BCL9: variants seen among roughly 807,000 people sequenced by gnomAD.
BCL9 encodes the protein BCL9 transcription coactivator, also known as B-cell CLL/lymphoma 9 protein.
BCL9 carries 25 observed loss-of-function variants against 88.5 expected under a neutral mutation model. The observed-to-expected ratio is 0.28, with a 90% CI of 0.21 to 0.39. The LOEUF (loss-of-function observed/expected upper bound fraction) is 0.39, where lower values mean the gene tolerates loss of function less well. Among genes scored for constraint, BCL9 ranks in the 10% least tolerant of loss-of-function variants. The pLI is 1.00. For missense variants in BCL9, 1,817 were observed against 1,877.8 expected, an observed-to-expected ratio of 0.97 and a Z score of 0.60; for synonymous variants, 711 against 673.3, an observed-to-expected ratio of 1.06 and a Z score of -0.87.
At chr1:147,606,689 A>T (rs1339942737) in intron 2 of BCL9, 95 bp from the exon 3 acceptor site, 2 of 152,252 alleles carry the variant, frequency 1.3e-5, no homozygotes, top group Non-Finnish European at 2.9e-5. Flanking sequence ...TGGAATAAAT[A>T]AGAAACCTGT....
intron 1 of BCL9, among the ~76,000 whole-genome samples, chr1:147,589,258 G>A (rs1283334928): frequency 6.6e-6 from 1 of 152,044 alleles, no homozygotes; most frequent in African/African-American, 2.4e-5. Flanking sequence ...CTCCGTTTTG[G>A]TGTTCAGTCA....
At chr1:147,553,228 G>C (rs1654971326) in intron 1 of BCL9, among the ~76,000 whole-genome samples, 1 of 152,076 alleles carries the variant, frequency 6.6e-6, no homozygotes, top group Admixed American at 6.6e-5. Flanking sequence ...ATACTGACTG[G>C]TCTTTACACT....
intron 1 of BCL9, among the ~76,000 whole-genome samples, chr1:147,592,929 G>T (rs1656908095): frequency 6.6e-6 from 1 of 152,210 alleles, no homozygotes; most frequent in African/African-American, 2.4e-5. Flanking sequence ...AGGTTATATA[G>T]CCTGCTCATG....
intron 1 of BCL9, among the ~76,000 whole-genome samples, chr1:147,591,033 C>T (rs782245325): frequency 2.3e-4 from 35 of 152,254 alleles, no homozygotes; most frequent in Non-Finnish European, 4.0e-4. Context: ...AGCAAGAATA[C>T]AGGCTTTGCC....
Position 147,619,761 on chromosome 1 carries a change from G to A in BCL9, c.1606G>A (p.Asp536Asn). 1 of 1,614,072 alleles carries A rather than the reference G, an allele frequency of 6.2e-7. No homozygotes were observed. Among genetic ancestry groups the A allele is most frequent in the Non-Finnish European group, 8.5e-7 (1 of 1,180,022 alleles). Reference protein sequence around the residue: ...WAPGGTEPFSDGINMPHSLPP... With the variant: ...WAPGGTEPFSNGINMPHSLPP... ...ACCTGGGGGTACAGAGCCATTTTCT[G>A]ATGGTATCAACATGCCACATTCTCT... Residue 536 changes from aspartate (D) to asparagine (N), a missense_variant, in exon 8 of 10, where the codon GAT (aspartate) becomes AAT (asparagine). Asp to Asn is a conservative substitution (Grantham distance 23). Around this residue, in one of 2 missense-constraint regions of BCL9, gnomAD observed 1,228 missense variants for 1,191.6 expected, o/e 1.03. Transcript: ENST00000234739. This position sits in a 1 kb window ranked among gnomAD's most constrained non-coding sequence, Gnocchi z 4.1.
At chr1:147,599,751 T>C (rs1163555151) in intron 1 of BCL9, among the ~76,000 whole-genome samples, 1 of 138,018 alleles carries the variant, frequency 7.2e-6, no homozygotes, top group Admixed American at 7.1e-5. Flanking sequence ...GTGCCGGCGG[T>C]GGGCGGGCCC....
At chr1:147,562,953 C>T (rs1024733907) in intron 1 of BCL9, among the ~76,000 whole-genome samples, 10 of 152,130 alleles carry the variant, frequency 6.6e-5, no homozygotes, top group African/African-American at 2.4e-4. Context: ...TCTTAAAACG[C>T]TCTCCTTTGG....
At chr1:147,592,596 A>G (rs1656889886) in intron 1 of BCL9, among the ~76,000 whole-genome samples, 1 of 152,246 alleles carries the variant, frequency 6.6e-6, no homozygotes, top group Admixed American at 6.5e-5. Context: ...CTAATGGCAG[A>G]ATTTAAAAGA....
At chr1:147,605,698 TC>T (rs1657663519) in intron 2 of BCL9, among the ~76,000 whole-genome samples, 1 of 152,224 alleles carries the variant, frequency 6.6e-6, no homozygotes, top group Non-Finnish European at 1.5e-5. Context: ...GATTGGTTTT[TC>T]CTATTGTGTA....
intron 9 of BCL9, 75 bp downstream of exon 9, chr1:147,622,606 G>A (rs1658702946): frequency 5.8e-6 from 9 of 1,557,110 alleles, no homozygotes; most frequent in Non-Finnish European, 7.9e-6. Context: ...TTTCTCAATG[G>A]CTATACACCT....
intron 1 of BCL9, among the ~76,000 whole-genome samples, chr1:147,554,085 A>G (rs1553195125): frequency 6.6e-6 from 1 of 152,244 alleles, no homozygotes; most frequent in African/African-American, 2.4e-5. Context: ...ATGAGATATA[A>G]TAGGCTGTAT....
chr1:147,575,274 C>G (rs1474716184), intron 1 of BCL9, among the ~76,000 whole-genome samples: 3 of 152,220 alleles, frequency 2.0e-5, no homozygotes, highest in African/African-American at 7.2e-5. Flanking sequence ...AAAGCTACTT[C>G]TGATCCCTAG....
chr1:147,605,289 C>G (rs1341340085), intron 2 of BCL9, among the ~76,000 whole-genome samples: 1 of 152,116 alleles, frequency 6.6e-6, no homozygotes, highest in African/African-American at 2.4e-5. Flanking sequence ...GTATCAGGTG[C>G]TGAGAGGAGG....
intron 1 of BCL9, among the ~76,000 whole-genome samples, chr1:147,588,055 A>C (rs974678986): frequency 1.3e-5 from 2 of 152,160 alleles, no homozygotes; most frequent in Admixed American, 6.5e-5. Context: ...GGCAGGTCTT[A>C]TAATTATTGT....
chr1:147,613,029 A>G lies in BCL9; in HGVS notation c.200A>G (p.Lys67Arg). 1 of 1,606,762 alleles carries G rather than the reference A, an allele frequency of 6.2e-7. No homozygotes were observed. The highest frequency in any genetic ancestry group is 1.1e-5 in the South Asian group (1 of 90,262). The change falls in exon 5 of 10, where the codon AAG (lysine) becomes AGG (arginine). Residue 67 changes from lysine (K) to arginine (R), a missense_variant. Transcript: ENST00000234739. ...TCCCAGCCATCCCCCTGTGACTCCA[A>G]GAGTGGGGGCCATACCCCTAAAGCA... ...SQSQPSPCDS[K>R]SGGHTPKALP...
chr1:147,568,769 T>C (rs1270973762), intron 1 of BCL9, among the ~76,000 whole-genome samples: 3 of 152,176 alleles, frequency 2.0e-5, no homozygotes, highest in Admixed American at 6.5e-5. Context: ...CCCCAGGGCA[T>C]TGGGCGTTCC....
At chr1:147,614,852 T>TC (rs1476697309) in intron 6 of BCL9, among the ~76,000 whole-genome samples, 1 of 151,202 alleles carries the variant, frequency 6.6e-6, no homozygotes, top group African/African-American at 2.4e-5. Flanking sequence ...TTCTTTTTTT[T>TC]TTTTTGAGAT....
At chr1:147,542,050 A>G (rs587685367) in intron 1 of BCL9, among the ~76,000 whole-genome samples, 43 of 152,246 alleles carry the variant, frequency 2.8e-4, no homozygotes, top group Admixed American at 2.2e-3. Flanking sequence ...GAGGCCTTGC[A>G]GGCTCCGAGC....
At chr1:147,544,382 C>A in intron 1 of BCL9, among the ~76,000 whole-genome samples, 1 of 151,758 alleles carries the variant, frequency 6.6e-6, no homozygotes, top group African/African-American at 2.4e-5. Context: ...CCAGCAATTC[C>A]AAAGAGCAGA....
Sources: allele counts gnomAD v4.1 joint callset (sites outside exome capture counted in the v4.1 genomes callset), GRCh38; gene constraint gnomAD v4.1.1; regional missense constraint gnomAD v4.1.1; non-coding constraint Gnocchi (gnomAD v3.1); transcripts MANE v1.5; gene names NCBI Gene and HGNC (gene_info 2026-07-23, HGNC 2026-07-21).